CSMD3: variants seen among roughly 807,000 people sequenced by gnomAD.
CSMD3 encodes CUB and sushi domain-containing protein 3.
In CSMD3, 177 loss-of-function variants were observed where a neutral mutation model predicts 435.2. That is an observed-to-expected ratio of 0.41 (90% CI 0.36 to 0.46). The LOEUF (loss-of-function observed/expected upper bound fraction) is 0.46, where lower values mean the gene tolerates loss of function less well. Among genes scored for constraint, CSMD3 ranks in the 20% least tolerant of loss-of-function variants. CSMD3 has a pLI of 0.34. For synonymous variants in CSMD3, 1,656 were observed against 1,520.5 expected (o/e 1.09, Z -2.07); for missense variants, 4,265 against 4,504.6 (o/e 0.95, Z 1.52).
At chr8:112,500,160 C>A (rs1821802346) in intron 30 of CSMD3, among the ~76,000 whole-genome samples, 1 of 151,098 alleles carries the variant, frequency 6.6e-6, no homozygotes, top group South Asian at 2.1e-4. Flanking sequence ...AAAGGATAAG[C>A]AAATCTAGAG....
intron 2 of CSMD3, among the ~76,000 whole-genome samples, chr8:113,296,612 C>T (rs2093724163): frequency 6.6e-6 from 1 of 152,016 alleles, no homozygotes; most frequent in African/African-American, 2.4e-5. Flanking sequence ...AAATGTGTGA[C>T]CAGATTCTAG....
chr8:113,083,280 T>C (rs1424476837), intron 5 of CSMD3, among the ~76,000 whole-genome samples: 2 of 152,044 alleles, frequency 1.3e-5, no homozygotes, highest in Non-Finnish European at 2.9e-5. Flanking sequence ...GAATGCTCAT[T>C]AGACTAATAG....
chr8:113,353,640 T>C (rs1307923147), intron 1 of CSMD3, among the ~76,000 whole-genome samples: 1 of 152,124 alleles, frequency 6.6e-6, no homozygotes, highest in Non-Finnish European at 1.5e-5. Context: ...CTGGGAAATA[T>C]TTTTGCCTTT....
chr8:112,770,186 T>A (rs1325460773), intron 13 of CSMD3, among the ~76,000 whole-genome samples: 1 of 152,052 alleles, frequency 6.6e-6, no homozygotes, highest in Non-Finnish European at 1.5e-5. Flanking sequence ...TTGCTATGTT[T>A]TGAATGTTTG....
intron 3 of CSMD3, among the ~76,000 whole-genome samples, chr8:113,225,003 T>C (rs2093010558): frequency 6.6e-6 from 1 of 151,428 alleles, no homozygotes; most frequent in South Asian, 2.1e-4. Context: ...TGTATTACTG[T>C]TTTCTTCTCT....
intron 24 of CSMD3, among the ~76,000 whole-genome samples, chr8:112,570,236 T>G (rs1829396239): frequency 6.6e-6 from 1 of 152,220 alleles, no homozygotes; most frequent in African/African-American, 2.4e-5. Context: ...CATATTCAGA[T>G]GACATCTTAA....
chr8:113,424,185 G>A (rs78697943), intron 1 of CSMD3, among the ~76,000 whole-genome samples: 3,721 of 151,674 alleles, frequency 0.025, 158 homozygotes, highest in African/African-American at 0.082. Context: ...TGTGAAATAC[G>A]TGATGATATT....
intron 3 of CSMD3, among the ~76,000 whole-genome samples, chr8:113,210,974 C>T (rs2092827944): frequency 6.6e-6 from 1 of 152,072 alleles, no homozygotes; most frequent in Non-Finnish European, 1.5e-5. Context: ...CATTTCACTG[C>T]CTCCCATGTC....
At chr8:112,748,215 A>C (rs985103106) in intron 13 of CSMD3, among the ~76,000 whole-genome samples, 8 of 152,180 alleles carry the variant, frequency 5.3e-5, no homozygotes, top group Admixed American at 2.0e-4. Flanking sequence ...GTAGGAAAAA[A>C]TCAGTAAGGC....
intron 12 of CSMD3, among the ~76,000 whole-genome samples, chr8:112,825,659 G>A (rs761168168): frequency 1.8e-4 from 28 of 152,134 alleles, no homozygotes; most frequent in Non-Finnish European, 3.4e-4. Flanking sequence ...CCGGCACCTG[G>A]AGATGTCACT....
At chr8:112,845,040 T>TA in intron 11 of CSMD3, among the ~76,000 whole-genome samples, 1 of 151,848 alleles carries the variant, frequency 6.6e-6, no homozygotes, top group East Asian at 1.9e-4. Context: ...GTGGAAAAAA[T>TA]ACAAACAAAA....
At chr8:113,323,386 G>A (rs2093961902) in intron 1 of CSMD3, among the ~76,000 whole-genome samples, 1 of 151,998 alleles carries the variant, frequency 6.6e-6, no homozygotes, top group South Asian at 2.1e-4. Flanking sequence ...TTTTACTAGT[G>A]GCCAACAAAA....
chr8:112,455,753 G>T (rs1054370950), intron 32 of CSMD3, among the ~76,000 whole-genome samples: 30 of 151,190 alleles, frequency 2.0e-4, no homozygotes, highest in African/African-American at 7.1e-4. Context: ...CAAGTGACTT[G>T]CTCAGTTTCA....
intron 13 of CSMD3, among the ~76,000 whole-genome samples, chr8:112,705,529 T>G (rs1490447963): frequency 6.6e-6 from 1 of 152,102 alleles, no homozygotes; most frequent in African/African-American, 2.4e-5. Flanking sequence ...TTATAAAATT[T>G]ACATGCTTTT....
chr8:112,921,235 T>C (rs1231318118), intron 10 of CSMD3, among the ~76,000 whole-genome samples: 1 of 152,026 alleles, frequency 6.6e-6, no homozygotes, highest in Non-Finnish European at 1.5e-5. Flanking sequence ...CTACCTTGAC[T>C]GCTACCAAGT....
chr8:113,186,799 C>A (rs1430713262), intron 3 of CSMD3, among the ~76,000 whole-genome samples: 1 of 151,924 alleles, frequency 6.6e-6, no homozygotes, highest in African/African-American at 2.4e-5. Flanking sequence ...CAGGAAATGC[C>A]CCTCAGGTGA....
chr8:112,517,695 A>T (rs896058157), intron 27 of CSMD3, among the ~76,000 whole-genome samples: 1 of 152,212 alleles, frequency 6.6e-6, no homozygotes, highest in African/African-American at 2.4e-5. Flanking sequence ...AATGCAAATT[A>T]AAACCACAAT....
chr8:113,388,231 A>C (rs528390734), intron 1 of CSMD3, among the ~76,000 whole-genome samples: 78 of 151,778 alleles, frequency 5.1e-4, no homozygotes, highest in African/African-American at 1.8e-3. Flanking sequence ...ATGAGGCAAG[A>C]GACAAACATA....
intron 32 of CSMD3, among the ~76,000 whole-genome samples, chr8:112,437,349 T>C (rs1357300921): frequency 1.3e-5 from 2 of 152,170 alleles, no homozygotes; most frequent in East Asian, 1.9e-4. Flanking sequence ...AAAGTAAGAG[T>C]AAAACAGTAG....
Sources: allele counts gnomAD v4.1 joint callset (sites outside exome capture counted in the v4.1 genomes callset), GRCh38; gene constraint gnomAD v4.1.1; transcripts MANE v1.5; gene names NCBI Gene and HGNC (gene_info 2026-07-23, HGNC 2026-07-21).